MAP3K7: variants seen among roughly 807,000 people sequenced by gnomAD.
The protein encoded by MAP3K7 is TGF-beta activated kinase 1.
MAP3K7 carries 21 observed loss-of-function variants against 84.8 expected under a neutral mutation model. The ratio of observed to expected loss-of-function variants is 0.25; its 90% CI spans 0.18 to 0.36. The LOEUF is 0.36. MAP3K7 is among the 10% of genes least tolerant of loss of function. The pLI is 1.00. For missense variants in MAP3K7, 503 were observed against 747.7 expected, an observed-to-expected ratio of 0.67 and a Z score of 3.82; for synonymous variants, 241 against 247.7, an observed-to-expected ratio of 0.97 and a Z score of 0.25.
intron 3 of MAP3K7, among the ~76,000 whole-genome samples, chr6:90,567,369 A>C (rs980541421): frequency 2.0e-5 from 3 of 152,238 alleles, no homozygotes; most frequent in Non-Finnish European, 4.4e-5. Context: ...ATTTACAAGA[A>C]AAAATCAAAC....
chr6:90,539,115 A>G (rs1317640080), intron 12 of MAP3K7, among the ~76,000 whole-genome samples: 1 of 151,948 alleles, frequency 6.6e-6, no homozygotes, highest in Non-Finnish European at 1.5e-5. Context: ...CTGAACATGT[A>G]ATTTTAAAAT....
intron 1 of MAP3K7, among the ~76,000 whole-genome samples, chr6:90,577,354 C>T (rs1003209187): frequency 6.6e-6 from 1 of 151,888 alleles, no homozygotes; most frequent in East Asian, 1.9e-4. Flanking sequence ...ACTGGATATC[C>T]AAGAGGAGAT....
intron 13 of MAP3K7, among the ~76,000 whole-genome samples, chr6:90,534,088 T>A (rs958537083): frequency 6.6e-6 from 1 of 152,182 alleles, no homozygotes; most frequent in Non-Finnish European, 1.5e-5. Context: ...AGTTTACAGA[T>A]GGAAATTCTA....
intron 11 of MAP3K7, among the ~76,000 whole-genome samples, 154 bp from the exon 12 acceptor site, chr6:90,544,786 G>A (rs1775953467): frequency 6.6e-6 from 1 of 152,020 alleles, no homozygotes; most frequent in Non-Finnish European, 1.5e-5. Context: ...TTTCATCCAT[G>A]CTCAGAAAAG....
intron 4 of MAP3K7, 101 bp from the exon 5 acceptor site, chr6:90,560,315 T>C: frequency 8.8e-7 from 1 of 1,138,770 alleles, no homozygotes. Flanking sequence ...GGTATTTTTC[T>C]ACATATACAT....
chr6:90,530,731 T>G (rs552781521), intron 13 of MAP3K7, among the ~76,000 whole-genome samples: 13 of 152,322 alleles, frequency 8.5e-5, no homozygotes, highest in African/African-American at 3.1e-4. Context: ...GGCATAACTG[T>G]AGTTTTTGAG....
At position 90,516,420 on chromosome 6, in the gene MAP3K7, T is replaced by A; in HGVS notation, c.*81A>T. The A allele has an allele frequency of 1.4e-6, 2 of 1,436,578 alleles. No individual in the cohort carries two copies. The highest frequency in any genetic ancestry group is 2.3e-5 in the East Asian group (1 of 43,860). The allele number at this position is 1,436,578 out of a possible 1,614,324, so 89.0% of individuals were successfully genotyped here. A position where few individuals can be genotyped will look rare whatever the true frequency, so the allele number is the denominator to read the frequency against. On this transcript the variant is annotated 3_prime_UTR_variant, in exon 17 of 17. Transcript: ENST00000369329. ...GAACACGCCAAAAAGCTAACACTCA[T>A]GAATCGTCATTATAAGGTTTTCCTT...
At chr6:90,521,624 C>G (rs1165247451) in intron 14 of MAP3K7, among the ~76,000 whole-genome samples, 1 of 151,942 alleles carries the variant, frequency 6.6e-6, no homozygotes, top group Non-Finnish European at 1.5e-5. Flanking sequence ...TATTATGACT[C>G]TAACCAGACT....
chr6:90,550,110 G>C (rs201196233), intron 9 of MAP3K7, among the ~76,000 whole-genome samples: 1 of 152,000 alleles, frequency 6.6e-6, no homozygotes, highest in Non-Finnish European at 1.5e-5. Context: ...TAGGGTGTTC[G>C]TGATGAAGAA....
At chr6:90,542,730 A>G (rs1242789331) in intron 12 of MAP3K7, among the ~76,000 whole-genome samples, 5 of 152,034 alleles carry the variant, frequency 3.3e-5, no homozygotes, top group Admixed American at 2.6e-4. Flanking sequence ...GTAAGATTGT[A>G]TAAAGGTAAA....
intron 7 of MAP3K7, among the ~76,000 whole-genome samples, 183 bp from the exon 8 acceptor site, chr6:90,552,362 A>G (rs1021177311): frequency 1.3e-5 from 2 of 152,164 alleles, no homozygotes; most frequent in African/African-American, 2.4e-5. Context: ...TTTACTCTTT[A>G]CTTCACGGAC....
chr6:90,577,563 A>G (rs970216478), intron 1 of MAP3K7, among the ~76,000 whole-genome samples: 1 of 152,124 alleles, frequency 6.6e-6, no homozygotes, highest in African/African-American at 2.4e-5. Flanking sequence ...AAGAGAGGAG[A>G]AGGAATGGGC....
chr6:90,549,336 C>A (rs1776106284), intron 9 of MAP3K7, among the ~76,000 whole-genome samples: 1 of 152,034 alleles, frequency 6.6e-6, no homozygotes, highest in South Asian at 2.1e-4. Context: ...AAAATTAAGA[C>A]ATATAGGAGG....
chr6:90,536,094 C>T, intron 13 of MAP3K7, among the ~76,000 whole-genome samples: 1 of 152,040 alleles, frequency 6.6e-6, no homozygotes, highest in Admixed American at 6.6e-5. Flanking sequence ...ATATACAGCG[C>T]TAATGAACAA....
At chr6:90,539,672 T>C (rs1775793450) in intron 12 of MAP3K7, among the ~76,000 whole-genome samples, 1 of 151,894 alleles carries the variant, frequency 6.6e-6, no homozygotes, top group Non-Finnish European at 1.5e-5. Flanking sequence ...AAAAAAGTGA[T>C]ATTTTCATCC....
At chr6:90,532,563 T>C (rs1236854396) in intron 13 of MAP3K7, among the ~76,000 whole-genome samples, 2 of 152,230 alleles carry the variant, frequency 1.3e-5, no homozygotes, top group Non-Finnish European at 2.9e-5. Context: ...CTTCTCTAAA[T>C]AATCATAACT....
chr6:90,516,791 C>T lies in MAP3K7; in HGVS notation c.1641-110G>A, dbSNP rs1486645697. 1.7e-5 allele frequency: 14 copies of T among 834,122 alleles called. No individual in the cohort carries two copies. In the East Asian group the frequency reaches 3.4e-4, roughly 20 times the overall value. The allele number at this position is 834,122 out of a possible 1,614,324, so 51.7% of individuals were successfully genotyped here. A position where few individuals can be genotyped will look rare whatever the true frequency, so the allele number is the denominator to read the frequency against. On this transcript the variant is annotated intron_variant, in intron 16 of 16. Transcript: ENST00000369329. The stretch of plus-strand genomic sequence containing the variant: ...TTTTTATTCTTGGTTTATCATTTTG[C>T]ATCTTAGGTACACTAATCAAATATA...
chr6:90,564,664 G>T (rs1776642143), intron 3 of MAP3K7, among the ~76,000 whole-genome samples: 1 of 152,154 alleles, frequency 6.6e-6, no homozygotes, highest in Non-Finnish European at 1.5e-5. Context: ...AAATTAACGA[G>T]ACAGAAAGTT....
Position 90,548,098 on chromosome 6 carries a change from A to C in MAP3K7, c.1029T>G (p.Asp343Glu), listed in dbSNP as rs1476587917. 3.1e-6 allele frequency: 5 copies of C among 1,612,346 alleles called. No homozygotes were observed. The highest frequency in any genetic ancestry group is 4.2e-6 in the Non-Finnish European group (5 of 1,179,152). Reference protein sequence around the residue: ...TNMEQVPATNDTIKRLESKLL... With the variant: ...TNMEQVPATNETIKRLESKLL... ...ATTTTGATTCTAAGCGCTTAATAGTATCATTTGTGGCAGGAACTTGCTCCA... is the reference window on the plus strand; with the variant it reads ...ATTTTGATTCTAAGCGCTTAATAGTCTCATTTGTGGCAGGAACTTGCTCCA... The change falls in exon 10 of 17, where the codon GAT becomes GAG. Residue 343 changes from aspartate (D) to glutamate (E), a missense_variant. By Grantham distance (45) the Asp-to-Glu change is conservative. Coordinates refer to ENST00000369329, the MANE Select transcript of MAP3K7 (RefSeq NM_145331.3).
Sources: allele counts gnomAD v4.1 joint callset (sites outside exome capture counted in the v4.1 genomes callset), GRCh38; gene constraint gnomAD v4.1.1; transcripts MANE v1.5; gene names NCBI Gene and HGNC (gene_info 2026-07-23, HGNC 2026-07-21).